The following IQGAP1 variants were observed in gnomAD, a reference collection of about 807,000 sequenced individuals.
IQGAP1 encodes the protein ras GTPase-activating-like protein IQGAP1.
Under a neutral mutation model 215.6 loss-of-function variants are expected in IQGAP1, and 66 were observed. The ratio of observed to expected loss-of-function variants is 0.31; its 90% confidence interval spans 0.25 to 0.38. IQGAP1 has a LOEUF of 0.38. IQGAP1 is among the 10% of genes least tolerant of loss of function. IQGAP1 has a pLI of 1.00. For synonymous variants in IQGAP1, 772 were observed against 728.7 expected (o/e 1.06, Z -0.96); for missense variants, 1,712 against 1,997.1 (o/e 0.86, Z 2.72).
intron 17 of IQGAP1, 51 bp downstream of exon 17, chr15:90,466,487 T>A: frequency 6.4e-7 from 1 of 1,563,164 alleles, no homozygotes; most frequent in African/African-American, 1.4e-5. Context: ...CTTGAGTATA[T>A]GAGGGGACAG....
chr15:90,397,730 A>G (rs1327570761), intron 2 of IQGAP1: 1 of 151,130 alleles, frequency 6.6e-6, no homozygotes, highest in Non-Finnish European at 1.5e-5. Flanking sequence ...GTTAGCCAGG[A>G]TGGTCTCGAT....
rs141060784 is a variant in IQGAP1 at position 90,421,785 on chromosome 15, G to A, written c.156-4325G>A. Among the ~76,000 whole-genome samples the A allele has an allele frequency of 2.2e-3, 332 of 152,210 alleles. 1 individual carries two copies. Among genetic ancestry groups the A allele is most frequent in the African/African-American group, 7.7e-3 (319 of 41,534 alleles). ...CTCAGCTCATGCCTCAGTTTTCCAAGTAGTGGCTGGGATTGCAGGCATACT... is the reference window on the plus strand; with the variant it reads ...CTCAGCTCATGCCTCAGTTTTCCAAATAGTGGCTGGGATTGCAGGCATACT... On this transcript the variant is annotated intron_variant, in intron 2 of 37. Coordinates refer to ENST00000268182, the MANE Select transcript of IQGAP1 (RefSeq NM_003870.4).
Position 90,474,082 on chromosome 15 carries a change from A to T in IQGAP1, c.2524A>T (p.Ile842Phe). 6.2e-7 allele frequency: 1 copy of T among 1,613,456 alleles called. No individual in the cohort carries two copies. Among genetic ancestry groups the T allele is most frequent in the Non-Finnish European group, 8.5e-7 (1 of 1,179,692 alleles). Residue 842 changes from isoleucine (I) to phenylalanine (F), a missense_variant, in exon 22 of 38, where the codon ATC (isoleucine) becomes TTC (phenylalanine). Physicochemically the swap from Ile to Phe is conservative, Grantham distance 21 (BLOSUM62 0). Around this residue, in one of 2 missense-constraint regions of IQGAP1, gnomAD observed 1,021 missense variants for 1,074.2 expected, o/e 0.95. Coordinates refer to ENST00000268182, the MANE Select transcript of IQGAP1 (RefSeq NM_003870.4). ...TCCTTAGATAAATGACATTATCAAA[A>T]TCCAGGCTTTTATTCGGGCAAACAA... The part of the protein sequence containing the change: ...FRDHINDIIK[I>F]QAFIRANKAR...
intron 2 of IQGAP1, among the ~76,000 whole-genome samples, chr15:90,421,730 G>A (rs1015751865): frequency 2.0e-5 from 3 of 152,208 alleles, no homozygotes; most frequent in African/African-American, 4.8e-5. Flanking sequence ...TTGCTCTGCT[G>A]TTGCCCAGGC....
At chr15:90,460,525 C>T (rs1210404018) in intron 15 of IQGAP1, among the ~76,000 whole-genome samples, 1 of 152,162 alleles carries the variant, frequency 6.6e-6, no homozygotes, top group Non-Finnish European at 1.5e-5. Flanking sequence ...CGAGTGTGAC[C>T]TCTGAACAGG....
At chr15:90,399,652 G>A (rs1392822115) in intron 2 of IQGAP1, among the ~76,000 whole-genome samples, 1 of 152,076 alleles carries the variant, frequency 6.6e-6, no homozygotes, top group Non-Finnish European at 1.5e-5. Context: ...AAAATTTTCA[G>A]TTTAATAATC....
At position 90,388,337 on chromosome 15, in the gene IQGAP1, C is replaced by A; in HGVS notation, c.-5C>A. 1 of 1,595,778 alleles carries A rather than the reference C, an allele frequency of 6.3e-7. No individual in the cohort carries two copies. ...TTCCTCAGCAGAGACTCGGGCTCGT[C>A]CGCCATGTCCGCCGCAGACGAGGTT... On this transcript the variant is annotated 5_prime_UTR_variant, in exon 1 of 38. Transcript: ENST00000268182.
At chr15:90,449,749 C>A in intron 11 of IQGAP1, 106 bp downstream of exon 11, 1 of 828,564 alleles carries the variant, frequency 1.2e-6, no homozygotes, top group Non-Finnish European at 1.9e-6. Flanking sequence ...AGCCTACTAG[C>A]CATAACCAAC....
chr15:90,421,059 C>T (rs1965127809), intron 2 of IQGAP1, among the ~76,000 whole-genome samples: 1 of 152,280 alleles, frequency 6.6e-6, no homozygotes. Context: ...ATTGCTTGAA[C>T]CCGGAAGCCA....
chr15:90,397,283 A>G (rs1286240789), intron 2 of IQGAP1, among the ~76,000 whole-genome samples: 3 of 152,218 alleles, frequency 2.0e-5, no homozygotes, highest in African/African-American at 7.2e-5. Context: ...AAAAGTATGA[A>G]TAAAATTTCT....
intron 11 of IQGAP1, 63 bp downstream of exon 11, chr15:90,449,706 G>A (rs968383661): frequency 8.8e-6 from 12 of 1,356,532 alleles, no homozygotes; most frequent in Non-Finnish European, 1.2e-5. Flanking sequence ...AAGGGTCTGA[G>A]GTTAGCTTCT....
chr15:90,392,721 G>A (rs879608174), intron 2 of IQGAP1, among the ~76,000 whole-genome samples: 1 of 143,420 alleles, frequency 7.0e-6, no homozygotes, highest in East Asian at 2.1e-4. Context: ...TCTACTTGTA[G>A]TTTTCTTGAT....
intron 30 of IQGAP1, among the ~76,000 whole-genome samples, chr15:90,484,636 G>A (rs952180658): frequency 1.1e-4 from 16 of 152,078 alleles, no homozygotes; most frequent in Non-Finnish European, 2.1e-4. Context: ...AGCCTCCCGA[G>A]TAGCTGGGAC....
At chr15:90,405,200 C>T (rs1390508342) in intron 2 of IQGAP1, among the ~76,000 whole-genome samples, 1 of 152,092 alleles carries the variant, frequency 6.6e-6, no homozygotes, top group Admixed American at 6.5e-5. Flanking sequence ...TGGAGGGTGT[C>T]TTGTGCTCTA....
intron 15 of IQGAP1, among the ~76,000 whole-genome samples, chr15:90,459,590 C>T (rs777098470): frequency 6.6e-6 from 1 of 152,116 alleles, no homozygotes; most frequent in Non-Finnish European, 1.5e-5. Flanking sequence ...TCATCAAAGG[C>T]GGAGGAAGTC....
chr15:90,498,866 A>G (rs1002848961), intron 37 of IQGAP1, among the ~76,000 whole-genome samples: 5 of 149,170 alleles, frequency 3.4e-5, no homozygotes, highest in African/African-American at 1.0e-4. Flanking sequence ...CTGCAGTGCA[A>G]TGGCACAATC....
At chr15:90,481,444 T>G (rs921395824) in intron 26 of IQGAP1, among the ~76,000 whole-genome samples, 1 of 152,108 alleles carries the variant, frequency 6.6e-6, no homozygotes, top group Non-Finnish European at 1.5e-5. Context: ...CAGTATCATA[T>G]ACGGGGTCTG....
At chr15:90,429,381 A>G (rs1262097871) in intron 3 of IQGAP1, among the ~76,000 whole-genome samples, 1 of 152,218 alleles carries the variant, frequency 6.6e-6, no homozygotes, top group Non-Finnish European at 1.5e-5. Flanking sequence ...TGTTGAGCAC[A>G]CTATACACAA....
Position 90,449,569 on chromosome 15 carries a change from C to G in IQGAP1, c.1088C>G (p.Thr363Ser). The G allele has an allele frequency of 6.2e-7, 1 of 1,612,502 alleles. No homozygotes were observed. Residue 363 changes from threonine (T) to serine (S), a missense_variant, in exon 11 of 38, where the codon ACT (threonine) becomes AGT (serine). Thr to Ser is a moderately conservative substitution (Grantham distance 58, BLOSUM62 1). Transcript: ENST00000268182. ...DKQQKRQSGQ[T>S]DPLQKEELQS... is the part of the protein sequence containing the mutation. ...CTTTGCTTTGCTCAGAGTGGTCAGA[C>G]TGACCCCCTGCAGAAGGAGGAGCTG...
Sources: gnomAD v4.1 joint callset for allele counts (sites outside exome capture counted in the v4.1 genomes callset) on GRCh38, gnomAD v4.1.1 for gene constraint, gnomAD v4.1.1 regional missense constraint, MANE v1.5 for transcripts, NCBI Gene and HGNC (gene_info 2026-07-23, HGNC 2026-07-21) for gene names.